The following AUH variants were observed in gnomAD, a reference collection of about 807,000 sequenced individuals.
The protein encoded by AUH is methylglutaconyl-CoA hydratase, mitochondrial.
A neutral mutation model predicts 42.3 loss-of-function variants in AUH; 29 were observed. The observed-to-expected ratio is 0.69, with a 90% CI of 0.51 to 0.93. AUH has a LOEUF of 0.93. Among genes scored for constraint, AUH ranks in the 40% least tolerant of loss-of-function variants. The pLI, the probability that AUH is intolerant of heterozygous loss-of-function variation, is 0.00. For missense variants in AUH, 452 were observed against 438.1 expected (o/e 1.03, Z -0.28); for synonymous variants, 174 against 166.4 (o/e 1.05, Z -0.35).
chr9:91,355,927 C>T lies in AUH; in HGVS notation c.374G>A (p.Arg125Gln), dbSNP rs137939308. ...VDALKSDKKV[R>Q]TIIIRSEVPG... is the part of the protein sequence containing the mutation. ...GACTTCACTCCTGATTATTATGGTC[C>T]GTACTTTCTTATCAGATTTCAAAGC... The change falls in exon 3 of 10, where the codon CGG (arginine) becomes CAG (glutamine). Residue 125 changes from arginine to glutamine, a missense_variant. By Grantham distance (43) the Arg-to-Gln change is conservative. Transcript: ENST00000375731. 5.6e-5 allele frequency: 91 copies of T among 1,613,114 alleles called. No homozygotes were observed. The highest frequency in any genetic ancestry group is 1.1e-4 in the East Asian group (5 of 44,806).
chr9:91,360,870 G>A (rs574514074), intron 1 of AUH, among the ~76,000 whole-genome samples: 1 of 152,182 alleles, frequency 6.6e-6, no homozygotes, highest in Non-Finnish European at 1.5e-5. Context: ...GTTAAGGGTG[G>A]AAACTGCTAT....
intron 6 of AUH, among the ~76,000 whole-genome samples, chr9:91,243,100 A>C (rs1162282695): frequency 6.6e-6 from 1 of 152,220 alleles, no homozygotes; most frequent in African/African-American, 2.4e-5. Context: ...TTCATTTGAC[A>C]AATCTGAAAA....
intron 6 of AUH, among the ~76,000 whole-genome samples, chr9:91,227,991 C>G (rs1260758852): frequency 3.3e-5 from 5 of 152,112 alleles, no homozygotes; most frequent in African/African-American, 4.8e-5. Flanking sequence ...CCATGTTCAT[C>G]AAGGATATTG....
chr9:91,345,242 A>C (rs1831407905), intron 3 of AUH, among the ~76,000 whole-genome samples: 1 of 152,172 alleles, frequency 6.6e-6, no homozygotes, highest in Non-Finnish European at 1.5e-5. Flanking sequence ...ATAGGAAAGG[A>C]AGAAGTAAAA....
intron 3 of AUH, among the ~76,000 whole-genome samples, chr9:91,339,875 G>A (rs1162003124): frequency 1.3e-5 from 2 of 152,176 alleles, no homozygotes; most frequent in Admixed American, 1.3e-4. Flanking sequence ...GTAGAAGGCA[G>A]GGGTACCCCA....
rs545187460 is a variant in AUH, at chr9:91,297,619, G to T, written c.598+365C>A. Among the ~76,000 whole-genome samples the T allele has an allele frequency of 8.5e-4, 128 of 150,432 alleles. 2 individuals are homozygous for T. The South Asian group carries it at 0.025, about 30-fold the overall frequency. ...TTTAATTTTTTTTTTTTTAAACAGG[G>T]TCTCCCTCTGTCACCTGAGCTGGAG... On this transcript the variant is annotated intron_variant, in intron 5 of 9. Coordinates refer to ENST00000375731, the MANE Select transcript of AUH (RefSeq NM_001698.3).
chr9:91,245,012 C>A (rs1170129827), intron 6 of AUH, among the ~76,000 whole-genome samples: 2 of 152,158 alleles, frequency 1.3e-5, no homozygotes, highest in Non-Finnish European at 2.9e-5. Flanking sequence ...AGCTAGCTCA[C>A]AACTAATTCC....
chr9:91,295,990 G>T (rs754002013), intron 6 of AUH, 31 bp downstream of exon 6: 1 of 1,612,600 alleles, frequency 6.2e-7, no homozygotes, highest in Non-Finnish European at 8.5e-7. Context: ...CCAAATCAAG[G>T]ATTTGAGGAA....
At chr9:91,241,685 T>C (rs961552530) in intron 6 of AUH, among the ~76,000 whole-genome samples, 1 of 152,208 alleles carries the variant, frequency 6.6e-6, no homozygotes, top group African/African-American at 2.4e-5. Context: ...TTTACCTTAC[T>C]AGACAAATCA....
At chr9:91,330,974 T>C (rs1364108238) in intron 3 of AUH, among the ~76,000 whole-genome samples, 1 of 152,216 alleles carries the variant, frequency 6.6e-6, no homozygotes, top group Non-Finnish European at 1.5e-5. Flanking sequence ...ATTTACAGAA[T>C]TATGTGCTTT....
At chr9:91,282,144 T>C (rs1826016531) in intron 6 of AUH, among the ~76,000 whole-genome samples, 1 of 152,150 alleles carries the variant, frequency 6.6e-6, no homozygotes, top group Non-Finnish European at 1.5e-5. Flanking sequence ...TGGTGAATGT[T>C]CCAAGCACAC....
chr9:91,309,475 T>C (rs940529944), intron 4 of AUH, among the ~76,000 whole-genome samples: 2 of 152,194 alleles, frequency 1.3e-5, no homozygotes, highest in Non-Finnish European at 2.9e-5. Flanking sequence ...TGGAATACTA[T>C]GCAGCCATAA....
intron 5 of AUH, among the ~76,000 whole-genome samples, chr9:91,297,053 C>T (rs748087672): frequency 3.9e-5 from 6 of 152,138 alleles, no homozygotes; most frequent in African/African-American, 1.2e-4. Flanking sequence ...TCTCAGAGCC[C>T]GAGGACACAG....
chr9:91,302,637 G>A (rs530294736), intron 4 of AUH, among the ~76,000 whole-genome samples: 2 of 151,672 alleles, frequency 1.3e-5, no homozygotes, highest in South Asian at 2.1e-4. Context: ...AGACATGGTG[G>A]TGCGTGCCTG....
chr9:91,318,414 T>C (rs915219693), intron 4 of AUH, among the ~76,000 whole-genome samples: 6 of 152,186 alleles, frequency 3.9e-5, no homozygotes, highest in Non-Finnish European at 7.3e-5. Flanking sequence ...AATACAGCCT[T>C]GGAATGTGCT....
intron 6 of AUH, among the ~76,000 whole-genome samples, chr9:91,236,393 A>G (rs976389966): frequency 6.6e-6 from 1 of 152,216 alleles, no homozygotes; most frequent in Admixed American, 6.5e-5. Context: ...AAGTACTCCA[A>G]GAGTATTCAC....
chr9:91,317,664 AG>A (rs1173192752), intron 4 of AUH, among the ~76,000 whole-genome samples: 2 of 152,226 alleles, frequency 1.3e-5, no homozygotes, highest in Non-Finnish European at 2.9e-5. Context: ...TACAGAAACC[AG>A]GATTTACAGA....
intron 3 of AUH, among the ~76,000 whole-genome samples, chr9:91,329,150 T>G (rs1830152542): frequency 6.6e-6 from 1 of 152,320 alleles, no homozygotes; most frequent in Middle Eastern, 3.4e-3. Flanking sequence ...ATGACAGATA[T>G]TCATATCATT....
intron 6 of AUH, among the ~76,000 whole-genome samples, chr9:91,288,955 C>A (rs933048281): frequency 6.6e-6 from 1 of 152,000 alleles, no homozygotes; most frequent in Non-Finnish European, 1.5e-5. Context: ...CATATTGCTA[C>A]GCAGGTCAAA....
Sources: allele counts gnomAD v4.1 joint callset (sites outside exome capture counted in the v4.1 genomes callset), GRCh38; gene constraint gnomAD v4.1.1; transcripts MANE v1.5; gene names NCBI Gene and HGNC (gene_info 2026-07-23, HGNC 2026-07-21).